The following TRIM61 variants were observed in gnomAD, a reference collection of about 807,000 sequenced individuals.
The protein encoded by TRIM61 is tripartite motif containing 61, also known as putative tripartite motif-containing protein 61.
In TRIM61, 1 loss-of-function variant was observed where a neutral mutation model predicts 14.2. The observed-to-expected ratio is 0.07, with a 90% CI of 0.03 to 0.33. The LOEUF is 0.33. Ranked by LOEUF, TRIM61 falls within the 10% of genes least tolerant of loss-of-function variation. TRIM61 has a pLI of 0.99. For missense variants in TRIM61, 19 were observed against 202.2 expected, an observed-to-expected ratio of 0.09 and a Z score of 5.49; for synonymous variants, 8 against 71.6, an observed-to-expected ratio of 0.11 and a Z score of 4.49.
intron 3 of TRIM61, among the ~76,000 whole-genome samples, chr4:164,959,787 T>C (rs1363704346): frequency 6.6e-6 from 1 of 152,162 alleles, no homozygotes; most frequent in Non-Finnish European, 1.5e-5. Flanking sequence ...AACTTCAAAC[T>C]CTGCCTAACT....
chr4:164,960,296 T>C (rs1191529561), intron 3 of TRIM61, among the ~76,000 whole-genome samples: 2 of 151,928 alleles, frequency 1.3e-5, no homozygotes, highest in Admixed American at 1.3e-4. Flanking sequence ...TGTAATCCCA[T>C]CACTTTTCGA....
intron 3 of TRIM61, chr4:164,959,052 AGGTGC>A (rs1179259403): frequency 2.4e-5 from 4 of 167,064 alleles, no homozygotes; most frequent in African/African-American, 9.7e-5. Flanking sequence ...TGAGCCACTT[AGGTGC>A]TATAATTATA....
At chr4:164,967,101 T>G (rs767137228) in intron 3 of TRIM61, among the ~76,000 whole-genome samples, 1 of 152,164 alleles carries the variant, frequency 6.6e-6, no homozygotes, top group Non-Finnish European at 1.5e-5. Context: ...TATTCAAAAA[T>G]TAGTTTTCTG....
At chr4:164,969,089 T>C in intron 3 of TRIM61, 2 of 1,094,116 alleles carry the variant, frequency 1.8e-6, no homozygotes, top group Non-Finnish European at 2.2e-6. Context: ...AAGTTTACGA[T>C]GTGCTGTTTC....
intron 3 of TRIM61, among the ~76,000 whole-genome samples, chr4:164,964,717 T>C (rs1732202355): frequency 6.6e-6 from 1 of 152,178 alleles, no homozygotes; most frequent in South Asian, 2.1e-4. Context: ...GAATATTAAA[T>C]AGTAGCCAGA....
intron 3 of TRIM61, among the ~76,000 whole-genome samples, chr4:164,961,831 A>G (rs1387418187): frequency 6.6e-6 from 1 of 152,230 alleles, no homozygotes; most frequent in Non-Finnish European, 1.5e-5. Context: ...TACGTTAACT[A>G]TAGGAATATG....
chr4:164,954,904 C>T (rs1731945238), intron 4 of TRIM61: 2 of 232,502 alleles, frequency 8.6e-6, no homozygotes, highest in Non-Finnish European at 1.8e-5. Flanking sequence ...GAGATCGAGA[C>T]CATCTGGCCA....
chr4:164,962,269 G>A (rs1732153477), intron 3 of TRIM61, among the ~76,000 whole-genome samples: 1 of 148,090 alleles, frequency 6.8e-6, no homozygotes, highest in Non-Finnish European at 1.5e-5. Context: ...CACCCAGGCT[G>A]GAGTGCAGTG....
intron 3 of TRIM61, chr4:164,968,487 T>C: frequency 1.4e-6 from 1 of 705,652 alleles, no homozygotes; most frequent in African/African-American, 2.0e-5. Context: ...AAAATATTGC[T>C]TTCTTATGGG....
At chr4:164,968,999 A>C (rs1184692311) in intron 3 of TRIM61, 1 of 1,032,730 alleles carries the variant, frequency 9.7e-7, no homozygotes, top group Non-Finnish European at 1.2e-6. Context: ...AGCTGGGAGG[A>C]GATAAAATCT....
chr4:164,972,345 GCTTT>G (rs1444685800), intron 2 of TRIM61, among the ~76,000 whole-genome samples: 1 of 152,212 alleles, frequency 6.6e-6, no homozygotes, highest in African/African-American at 2.4e-5. Context: ...GACCAAAGGA[GCTTT>G]CTGTTAGATG....
At chr4:164,971,581 A>G (rs1560887501) in intron 2 of TRIM61, among the ~76,000 whole-genome samples, 4 of 150,148 alleles carry the variant, frequency 2.7e-5, no homozygotes, top group African/African-American at 9.8e-5. Flanking sequence ...ACAGAGGGAA[A>G]CTCTGTCTCA....
rs150739107 is a variant in TRIM61, at chr4:164,972,134, C to T, written c.-337-1795G>A. Among the ~76,000 whole-genome samples the T allele has an allele frequency of 2.1e-3, 317 of 152,320 alleles. 1 individual carries two copies. The highest frequency in any genetic ancestry group is 3.4e-3 in the Non-Finnish European group (234 of 68,024). Reference sequence around the variant, plus strand: ...CAAAAGCTATCACAGCAACATGCTACAGGAGGCAGTATTTCACAATGTAAG... The same window carrying T: ...CAAAAGCTATCACAGCAACATGCTATAGGAGGCAGTATTTCACAATGTAAG... On this transcript the variant is annotated intron_variant, in intron 2 of 4. Transcript: ENST00000329314.
chr4:164,966,327 G>A (rs1732237706), intron 3 of TRIM61, among the ~76,000 whole-genome samples: 1 of 152,134 alleles, frequency 6.6e-6, no homozygotes. Context: ...CAAAATAAAT[G>A]TGAGAAAATA....
At chr4:164,960,767 G>A (rs144420716) in intron 3 of TRIM61, among the ~76,000 whole-genome samples, 2,898 of 152,120 alleles carry the variant, frequency 0.019, 75 homozygotes, top group African/African-American at 0.061. Context: ...CCTAACCAAC[G>A]TGGTGAAAAC....
intron 3 of TRIM61, chr4:164,957,100 G>A: frequency 6.4e-7 from 1 of 1,571,302 alleles, no homozygotes; most frequent in Non-Finnish European, 8.6e-7. Context: ...GCCCTGCAGG[G>A]TGGGCTGGGC....
In TRIM61 at chr4:164,961,153, C is replaced by CAAAAAAAAAAAAAAAAAAAA. The variant is rs762554625; in HGVS notation, c.526-6077_526-6058dup. 1.2e-3 allele frequency among the ~76,000 whole-genome samples: 39 copies of CAAAAAAAAAAAAAAAAAAAA among 31,720 alleles called. 10 individuals carry two copies. The highest frequency in any genetic ancestry group is 1.7e-3 in the Non-Finnish European group (25 of 14,934). The allele number at this position is 31,720 out of a possible 152,430, so 20.8% of individuals were successfully genotyped here. A position where few individuals can be genotyped will look rare whatever the true frequency, so the allele number is the denominator to read the frequency against. On this transcript the variant is annotated intron_variant, in intron 3 of 4. Coordinates refer to ENST00000329314, the MANE Select transcript of TRIM61 (RefSeq NM_001012414.3). ...ATGACAGAAAATAAGAACTCTCAGG[C>CAAAAAAAAAAAAAAAAAAAA]AAAAAAAAAAAAAAAAAAAAAAAAA...
chr4:164,971,861 C>G (rs1022401751), intron 2 of TRIM61, among the ~76,000 whole-genome samples: 6 of 152,128 alleles, frequency 3.9e-5, no homozygotes, highest in African/African-American at 1.4e-4. Flanking sequence ...ACCTCCTTTC[C>G]CTAGACACTT....
intron 2 of TRIM61, among the ~76,000 whole-genome samples, chr4:164,974,995 G>A (rs1732450736): frequency 6.6e-6 from 1 of 152,132 alleles, no homozygotes; most frequent in African/African-American, 2.4e-5. Flanking sequence ...CACTTTGGGA[G>A]GCCAAGGCAG....
Sources: allele counts gnomAD v4.1 joint callset (sites outside exome capture counted in the v4.1 genomes callset), GRCh38; gene constraint gnomAD v4.1.1; transcripts MANE v1.5; gene names NCBI Gene and HGNC (gene_info 2026-07-23, HGNC 2026-07-21).